SPATA25: variants seen among roughly 807,000 people sequenced by gnomAD.
SPATA25 encodes the protein spermatogenesis-associated protein 25.
Under a neutral mutation model 16.0 loss-of-function variants are expected in SPATA25, and 16 were observed. The observed-to-expected ratio is 1.00, with a 90% CI of 0.68 to 1.52. The LOEUF is 1.52. SPATA25 is among the 40% of genes most tolerant of loss of function. The pLI is 0.00. For synonymous variants in SPATA25, 115 were observed against 118.5 expected (o/e 0.97, Z 0.19); for missense variants, 285 against 289.2 (o/e 0.99, Z 0.11).
upstream of SPATA25, chr20:45,890,986 A>T: frequency 4.7e-6 from 7 of 1,487,988 alleles, no homozygotes; most frequent in Non-Finnish European, 6.3e-6. Context: ...CGGAGGCAGC[A>T]GCCATCTCTC....
At chr20:45,890,756 C>T, upstream of SPATA25, 1 of 1,612,588 alleles carries the variant, frequency 6.2e-7, no homozygotes, top group Non-Finnish European at 8.5e-7. Flanking sequence ...ACGCAGATGT[C>T]CGCACCAGCC....
upstream of SPATA25, chr20:45,890,609 G>C: frequency 6.2e-7 from 1 of 1,612,730 alleles, no homozygotes; most frequent in Non-Finnish European, 8.5e-7. Flanking sequence ...CTCCGCCTCC[G>C]GGCGGCCCTC....
upstream of SPATA25, among the ~76,000 whole-genome samples, chr20:45,889,985 C>G (rs908039322): frequency 6.6e-6 from 1 of 152,180 alleles, no homozygotes; most frequent in Non-Finnish European, 1.5e-5. Context: ...TTTAGAATCC[C>G]TGCCCTAGGT....
upstream of SPATA25, among the ~76,000 whole-genome samples, chr20:45,889,279 C>T (rs1374785319): frequency 1.3e-5 from 2 of 152,120 alleles, no homozygotes; most frequent in Non-Finnish European, 2.9e-5. Context: ...TTAAGAAGCT[C>T]TCAGTCTGGG....
intron 1 of SPATA25, 103 bp from the exon 2 acceptor site, chr20:45,887,248 A>G: frequency 7.2e-7 from 1 of 1,379,546 alleles, no homozygotes. Flanking sequence ...AACTAAGACC[A>G]GCCCCAGCGG....
At chr20:45,889,233 A>C (rs1601132675), upstream of SPATA25, among the ~76,000 whole-genome samples, 1 of 152,212 alleles carries the variant, frequency 6.6e-6, no homozygotes, top group East Asian at 1.9e-4. Flanking sequence ...GTATAACTGC[A>C]ATGCTTACCA....
chr20:45,886,889 C>T lies in SPATA25; in HGVS notation c.312G>A (p.Trp104Ter). 1 of 1,614,134 alleles carries T rather than the reference C, an allele frequency of 6.2e-7. No homozygotes were observed. The highest frequency in any genetic ancestry group is 8.5e-7 in the Non-Finnish European group (1 of 1,180,042). Residue 104 changes from tryptophan to a stop codon, truncating the protein, a stop_gained, in exon 2 of 2, where the codon TGG (tryptophan) becomes TGA (stop). Coordinates refer to ENST00000372519, the MANE Select transcript of SPATA25 (RefSeq NM_080608.4). LOFTEE classifies it high-confidence loss of function. ...PHVRQLESLG[W>*]DNGYSRSRAP... ...CTCTGCTTCTGGAGTAGCCATTGTC[C>T]CAGCCCAAGCTCTCCAGCTGCCTCA...
upstream of SPATA25, chr20:45,890,843 G>A (rs1261357892): frequency 3.2e-6 from 5 of 1,569,656 alleles, no homozygotes; most frequent in Non-Finnish European, 4.3e-6. Flanking sequence ...CACGCCGTGG[G>A]CGAAGCTCTC....
chr20:45,888,984 C>T, upstream of SPATA25: 2 of 1,261,372 alleles, frequency 1.6e-6, no homozygotes, highest in Non-Finnish European at 2.2e-6. Context: ...TGGGCAAGTC[C>T]TTACTGCTCT....
chr20:45,889,707 G>A (rs532750862), upstream of SPATA25, among the ~76,000 whole-genome samples: 61 of 150,170 alleles, frequency 4.1e-4, no homozygotes, highest in African/African-American at 1.4e-3. Context: ...TCCACCTCTC[G>A]GGTTCAAGTG....
upstream of SPATA25, chr20:45,888,930 G>C (rs1379909134): frequency 1.2e-6 from 2 of 1,605,186 alleles, no homozygotes; most frequent in Admixed American, 3.4e-5. Context: ...CTGAGGCCAA[G>C]ATCCAGAAGG....
upstream of SPATA25, chr20:45,890,200 T>C (rs1195486038): frequency 1.2e-6 from 2 of 1,608,946 alleles, no homozygotes; most frequent in Admixed American, 1.7e-5. Context: ...CCCTAGTAGA[T>C]TCCAGTCCCC....
rs1321983397 is a variant in SPATA25 at position 45,887,119 on chromosome 20, G to A, written c.82C>T (p.Leu28Phe). 1 of 1,593,142 alleles carries A rather than the reference G, an allele frequency of 6.3e-7. No individual in the cohort carries two copies. Among genetic ancestry groups the A allele is most frequent in the East Asian group, 2.2e-5 (1 of 44,584 alleles). The change falls in exon 2 of 2, where the codon CTT (leucine) becomes TTT (phenylalanine). Residue 28 changes from leucine (L) to phenylalanine (F), a missense_variant. Physicochemically the swap from Leu to Phe is conservative, Grantham distance 22. Transcript: ENST00000372519. Reference sequence around the variant, plus strand: ...GGCTCTACAGGACTACAGAGGCCAAGGGACAAGCCTGGAGAAGCAGCCCCA... The same window carrying A: ...GGCTCTACAGGACTACAGAGGCCAAAGGACAAGCCTGGAGAAGCAGCCCCA... ...QGGAASPGLS[L>F]GLCSPVEPVV...
At chr20:45,890,886 C>T (rs1354067167), upstream of SPATA25, 4 of 1,566,924 alleles carry the variant, frequency 2.6e-6, no homozygotes, top group Non-Finnish European at 3.5e-6. Context: ...GAGGGGTCCA[C>T]GCGGATGTTG....
At chr20:45,889,917 C>G (rs1345407277), upstream of SPATA25, among the ~76,000 whole-genome samples, 5 of 152,118 alleles carry the variant, frequency 3.3e-5, no homozygotes, top group Non-Finnish European at 5.9e-5. Context: ...CCCGGCCAAG[C>G]ATGTTTCTAA....
upstream of SPATA25, among the ~76,000 whole-genome samples, chr20:45,888,174 C>A (rs1439273141): frequency 6.6e-6 from 1 of 152,114 alleles, no homozygotes; most frequent in Non-Finnish European, 1.5e-5. Context: ...CCTGCCACCA[C>A]ACCTGGCTAA....
chr20:45,888,806 A>G (rs1304746675), upstream of SPATA25: 35 of 1,614,038 alleles, frequency 2.2e-5, no homozygotes, highest in African/African-American at 2.7e-5. Context: ...GGTGGAGCCC[A>G]TCAATGGCCA....
chr20:45,890,271 G>A, upstream of SPATA25: 3 of 1,613,812 alleles, frequency 1.9e-6, no homozygotes, highest in Non-Finnish European at 2.5e-6. Context: ...AGCTGGACAA[G>A]GCGCACGCTC....
At chr20:45,890,918 C>A (rs747091278), upstream of SPATA25, 8 of 1,543,316 alleles carry the variant, frequency 5.2e-6, no homozygotes, top group African/African-American at 9.6e-5. Context: ...CCGATGGAAG[C>A]GGGTGGGAGG....
Sources: gnomAD v4.1 joint callset for allele counts (sites outside exome capture counted in the v4.1 genomes callset) on GRCh38, gnomAD v4.1.1 for gene constraint, MANE v1.5 for transcripts, NCBI Gene and HGNC (gene_info 2026-07-23, HGNC 2026-07-21) for gene names.